The following UGT2A2 variants were observed in gnomAD, a reference collection of about 807,000 sequenced individuals.
The protein encoded by UGT2A2 is UDP-glucuronosyltransferase 2A2.
UGT2A2 carries 60 observed loss-of-function variants against 50.7 expected under a neutral mutation model. That is an observed-to-expected ratio of 1.18 (90% CI 0.96 to 1.47). The LOEUF (loss-of-function observed/expected upper bound fraction) is 1.47. Ranked by LOEUF, UGT2A2 falls within the 40% of genes most tolerant of loss-of-function variation. The pLI is 0.00. For missense variants in UGT2A2, 762 were observed against 634.0 expected, an observed-to-expected ratio of 1.20 and a Z score of -2.17; for synonymous variants, 242 against 214.6, an observed-to-expected ratio of 1.13 and a Z score of -1.11.
In UGT2A2 at chr4:69,589,344, A is replaced by T. The variant is rs1483744914; in HGVS notation, c.*28T>A. ...TACTCAGGATTTTGCCAAACTTAAA[A>T]ATATATATATTTCCTCTTTTTCTTG... On this transcript the variant is annotated 3_prime_UTR_variant, in exon 6 of 6. Coordinates refer to ENST00000604629, the MANE Select transcript of UGT2A2 (RefSeq NM_001105677.2). The T allele has an allele frequency of 5.7e-6, 9 of 1,569,880 alleles. No individual in the cohort carries two copies. The highest frequency in any genetic ancestry group is 7.8e-6 in the Non-Finnish European group (9 of 1,159,404).
chr4:69,594,587 A>G lies in UGT2A2; in HGVS notation c.1221T>C (p.Pro407=), dbSNP rs957475849. The G allele has an allele frequency of 1.2e-6, 2 of 1,614,144 alleles. No individual in the cohort carries two copies. Among genetic ancestry groups the G allele is most frequent in the Non-Finnish European group, 1.7e-6 (2 of 1,180,040 alleles). ...MVGVPMFADQ[P]DNIAHMKAKG... is the part of the protein sequence containing the mutation. The stretch of plus-strand genomic sequence containing the variant: ...TGGCCTTCATGTGAGCAATGTTATC[A>G]GGCTGATCAGCAAACATGGGAACTC... The change falls in exon 5 of 6, where the codon CCT becomes CCC. Residue 407 remains proline (P), a synonymous_variant. Transcript: ENST00000604629.
chr4:69,620,811 A>G (rs937608567), intron 1 of UGT2A2, among the ~76,000 whole-genome samples: 1 of 151,928 alleles, frequency 6.6e-6, no homozygotes, highest in African/African-American at 2.4e-5. Context: ...CAAAGGAAAC[A>G]GAATAGAGAG....
chr4:69,625,167 T>C (rs1237013878), intron 1 of UGT2A2, among the ~76,000 whole-genome samples: 1 of 64,268 alleles, frequency 1.6e-5, no homozygotes, highest in Non-Finnish European at 3.3e-5. Context: ...TTTTCATTCT[T>C]TTTTTTTCTT....
In UGT2A2 at chr4:69,603,196, G is replaced by C. The variant is rs577833971; in HGVS notation, c.743-3802C>G. On this transcript the variant is annotated intron_variant, in intron 1 of 5. Coordinates refer to ENST00000604629, the MANE Select transcript of UGT2A2 (RefSeq NM_001105677.2). ...TAAAATCCATACGGAAAAGCAAAGA[G>C]CCAAAAATAATCAAGGAACTCCAGA... 4.0e-4 allele frequency among the ~76,000 whole-genome samples: 54 copies of C among 136,340 alleles called. 11 individuals carry two copies. The highest frequency in any genetic ancestry group is 1.5e-3 in the African/African-American group (52 of 33,744). 89.4% of individuals were successfully genotyped at this position (136,340 alleles called of 152,430 possible).
At chr4:69,609,256 A>C (rs1360729025) in intron 1 of UGT2A2, among the ~76,000 whole-genome samples, 3 of 151,884 alleles carry the variant, frequency 2.0e-5, no homozygotes, top group Non-Finnish European at 4.4e-5. Context: ...GAGCCCAAGA[A>C]ATCCTCCTAC....
chr4:69,595,096 C>A, intron 4 of UGT2A2, 66 bp downstream of exon 4: 1 of 1,561,274 alleles, frequency 6.4e-7, no homozygotes, highest in Non-Finnish European at 8.8e-7. Context: ...AATTTATTTG[C>A]TATTAAACAG....
At chr4:69,610,430 C>T (rs1269839646) in intron 1 of UGT2A2, among the ~76,000 whole-genome samples, 3 of 151,980 alleles carry the variant, frequency 2.0e-5, no homozygotes, top group Non-Finnish European at 4.4e-5. Flanking sequence ...TAATTTAAGC[C>T]TTTTTCCTGT....
rs1304847764 is a variant in UGT2A2, at chr4:69,639,471, T to C, written c.170A>G (p.His57Arg). Reference protein sequence around the residue: ...IILEELIQRNHNVTVLASSAT... With the variant: ...IILEELIQRNRNVTVLASSAT... ...TGATGAAGCCAGTACAGTCACATTG[T>C]GATTTCTTTGAATCAACTCTTCTAG... Residue 57 changes from histidine (H) to arginine (R), a missense_variant, in exon 1 of 6, where the codon CAC becomes CGC. Coordinates refer to ENST00000604629, the MANE Select transcript of UGT2A2 (RefSeq NM_001105677.2). 6.2e-7 allele frequency: 1 copy of C among 1,613,014 alleles called. No individual in the cohort carries two copies. Among genetic ancestry groups the C allele is most frequent in the African/African-American group, 1.3e-5 (1 of 74,902 alleles).
At chr4:69,609,536 A>AATAC (rs1719904847) in intron 1 of UGT2A2, among the ~76,000 whole-genome samples, 1 of 152,106 alleles carries the variant, frequency 6.6e-6, no homozygotes, top group African/African-American at 2.4e-5. Flanking sequence ...ATTATATCTC[A>AATAC]ATACAACTGT....
At position 69,603,654 on chromosome 4, in the gene UGT2A2, G is replaced by A. The variant is rs577866990; in HGVS notation, c.743-4260C>T. On this transcript the variant is annotated intron_variant, in intron 1 of 5. Transcript: ENST00000604629. ...AAGAAGTTCAAACCCATGGCAAAGA[G>A]GTTAAAAACCTTGAAAAAAAATTAG... The A allele has an allele frequency of 1.1e-4, 15 of 135,786 alleles. 4 individuals carry two copies. The highest frequency in any genetic ancestry group is 1.0e-3 in the Admixed American group (14 of 13,728). The allele number at this position is 135,786 out of a possible 1,614,324, so 8.4% of individuals were successfully genotyped here.
In UGT2A2 at chr4:69,603,983, A is replaced by G. The variant is rs190587316; in HGVS notation, c.743-4589T>C. On this transcript the variant is annotated intron_variant, in intron 1 of 5. Transcript: ENST00000604629. The stretch of plus-strand genomic sequence containing the variant: ...GATGGGGAGAATGGAACCAAGTTGG[A>G]AAACACTCTGCAGGATATTATCCAG... Among the ~76,000 whole-genome samples, 202 of 137,090 alleles carry G rather than the reference A, an allele frequency of 1.5e-3. 33 individuals carry two copies. In the Middle Eastern group the frequency reaches 0.016, roughly 11 times the overall value. The allele number at this position is 137,090 out of a possible 152,430, so 89.9% of individuals were successfully genotyped here.
intron 1 of UGT2A2, among the ~76,000 whole-genome samples, chr4:69,618,221 T>TGTGTG (rs1720530663): frequency 6.9e-6 from 1 of 144,734 alleles, no homozygotes; most frequent in African/African-American, 2.6e-5. Context: ...GTGTGTATGT[T>TGTGTG]TGTGTGTGTG....
At chr4:69,631,836 A>G (rs1249087325) in intron 1 of UGT2A2, among the ~76,000 whole-genome samples, 1 of 152,192 alleles carries the variant, frequency 6.6e-6, no homozygotes, top group Non-Finnish European at 1.5e-5. Context: ...CTAAAAACAA[A>G]GATTGGTTGA....
intron 2 of UGT2A2, among the ~76,000 whole-genome samples, chr4:69,598,695 T>C (rs3822178): frequency 6.6e-6 from 1 of 151,924 alleles, no homozygotes; most frequent in African/African-American, 2.4e-5. Flanking sequence ...AACTCACCAT[T>C]GTCAACTCAA....
chr4:69,631,563 T>C (rs1386219547), intron 1 of UGT2A2, among the ~76,000 whole-genome samples: 1 of 152,116 alleles, frequency 6.6e-6, no homozygotes, highest in East Asian at 1.9e-4. Flanking sequence ...TACAAAAATA[T>C]AACAGAATGA....
At chr4:69,621,489 G>GT (rs1553906092) in intron 1 of UGT2A2, among the ~76,000 whole-genome samples, 1 of 151,784 alleles carries the variant, frequency 6.6e-6, no homozygotes, top group African/African-American at 2.4e-5. Flanking sequence ...TTATTAAAAA[G>GT]TAAAAAAAAT....
At chr4:69,637,981 C>T (rs1489805387) in intron 1 of UGT2A2, among the ~76,000 whole-genome samples, 1 of 110,384 alleles carries the variant, frequency 9.1e-6, no homozygotes, top group Non-Finnish European at 1.9e-5. Flanking sequence ...AAAAGGAAGG[C>T]AAGAAGGAAG....
chr4:69,632,081 G>A (rs531713168), intron 1 of UGT2A2, among the ~76,000 whole-genome samples: 5 of 152,144 alleles, frequency 3.3e-5, no homozygotes, highest in African/African-American at 9.6e-5. Context: ...ATTTTTGAAA[G>A]AGATTCACGA....
intron 1 of UGT2A2, among the ~76,000 whole-genome samples, chr4:69,614,869 C>A (rs1293520603): frequency 2.6e-5 from 4 of 151,986 alleles, no homozygotes; most frequent in Non-Finnish European, 5.9e-5. Context: ...ACCCACAGTT[C>A]CACAGGCTGT....
Sources: allele counts gnomAD v4.1 joint callset (sites outside exome capture counted in the v4.1 genomes callset), GRCh38; gene constraint gnomAD v4.1.1; transcripts MANE v1.5; gene names NCBI Gene and HGNC (gene_info 2026-07-23, HGNC 2026-07-21).